The following PKHD1L1 variants were observed in gnomAD, a reference collection of about 807,000 sequenced individuals.
The protein encoded by PKHD1L1 is fibrocystin-L.
A neutral mutation model predicts 462.9 loss-of-function variants in PKHD1L1; 434 were observed. The ratio of observed to expected loss-of-function variants is 0.94; its 90% CI spans 0.87 to 1.02. PKHD1L1 has a LOEUF of 1.02. Ranked by LOEUF, PKHD1L1 falls within the 50% of genes least tolerant of loss-of-function variation. PKHD1L1 has a pLI of 0.00. For missense variants in PKHD1L1, 5,202 were observed against 5,096.1 expected, an observed-to-expected ratio of 1.02 and a Z score of -0.63; for synonymous variants, 1,781 against 1,750.0, an observed-to-expected ratio of 1.02 and a Z score of -0.44.
In PKHD1L1 at chr8:109,364,646, CTTTTTTTT is replaced by C; in HGVS notation, c.163+21_163+28del. On this transcript the variant is annotated intron_variant, in intron 2 of 77. Transcript: ENST00000378402. ...ACTATAAGAGGGGAAGGTATCGTTGCTTTTTTTTTTTTTTTTTTGCCAAGGTTGAGGTA... is the reference window on the plus strand; with the variant it reads ...ACTATAAGAGGGGAAGGTATCGTTGCTTTTTTTTTTGCCAAGGTTGAGGTA... The C allele has an allele frequency of 2.8e-5, 29 of 1,029,342 alleles. No individual in the cohort carries two copies. The highest frequency in any genetic ancestry group is 2.5e-4 in the African/African-American group (12 of 48,116). 63.8% of individuals were successfully genotyped at this position (1,029,342 alleles called of 1,614,324 possible). A position where few individuals can be genotyped will look rare whatever the true frequency, so the allele number is the denominator to read the frequency against.
rs1256707865 is a variant in PKHD1L1, at chr8:109,443,118, T to TTA, written c.4564+2_4564+3insTA. Reference sequence around the variant, plus strand: ...GCTCTGAAGCCACATATGCTTATGGTAAGATGGTTAAAGATGGAAACTCTG... The same window carrying TTA: ...GCTCTGAAGCCACATATGCTTATGGTTAAAGATGGTTAAAGATGGAAACTCTG... On this transcript the variant is annotated splice_region_variant and intron_variant, in intron 36 of 77. Coordinates refer to ENST00000378402, the MANE Select transcript of PKHD1L1 (RefSeq NM_177531.6). 1 of 1,612,612 alleles carries TTA rather than the reference T, an allele frequency of 6.2e-7. No individual in the cohort carries two copies. Among genetic ancestry groups the TTA allele is most frequent in the Non-Finnish European group, 8.5e-7 (1 of 1,178,990 alleles).
intron 76 of PKHD1L1, among the ~76,000 whole-genome samples, chr8:109,524,688 G>GT (rs1046310147): frequency 2.6e-5 from 4 of 152,062 alleles, no homozygotes; most frequent in African/African-American, 7.2e-5. Flanking sequence ...CATACGTTAA[G>GT]TTTTTTTTCA....
chr8:109,520,451 C>T lies in PKHD1L1; in HGVS notation c.12032-1735C>T, dbSNP rs547612956. Among the ~76,000 whole-genome samples, 6 of 152,156 alleles carry T rather than the reference C, an allele frequency of 3.9e-5. No individual in the cohort carries two copies. The East Asian group carries it at 1.2e-3, about 29-fold the overall frequency. On this transcript the variant is annotated intron_variant, in intron 73 of 77. Transcript: ENST00000378402. ...GACATATATTTCCCCACATACAATCCCTCCTACATCCATCCCCTTAAAGCA... is the reference window on the plus strand; with the variant it reads ...GACATATATTTCCCCACATACAATCTCTCCTACATCCATCCCCTTAAAGCA...
chr8:109,381,709 A>G (rs78676148), intron 3 of PKHD1L1, among the ~76,000 whole-genome samples, 195 bp downstream of exon 3: 3,637 of 152,224 alleles, frequency 0.024, 136 homozygotes, highest in African/African-American at 0.083. Flanking sequence ...TTGGCATGAT[A>G]ACAACATATT....
chr8:109,473,558 A>G (rs1817835070), intron 50 of PKHD1L1, among the ~76,000 whole-genome samples: 1 of 152,010 alleles, frequency 6.6e-6, no homozygotes, highest in Non-Finnish European at 1.5e-5. Flanking sequence ...AAAGAACTCA[A>G]TTCAGTGGAA....
chr8:109,479,704 A>G, intron 54 of PKHD1L1, 65 bp downstream of exon 54: 2 of 1,136,450 alleles, frequency 1.8e-6, no homozygotes, highest in Admixed American at 2.3e-5. Context: ...ATGGCAGGGT[A>G]GATGTCACAG....
chr8:109,368,768 C>A (rs1811349492), intron 2 of PKHD1L1, among the ~76,000 whole-genome samples: 1 of 152,136 alleles, frequency 6.6e-6, no homozygotes, highest in Admixed American at 6.6e-5. Context: ...TTTTGGATTG[C>A]TGCTATCAGG....
chr8:109,442,844 T>G, intron 35 of PKHD1L1, 102 bp from the exon 36 acceptor site: 1 of 1,076,364 alleles, frequency 9.3e-7, no homozygotes, highest in Non-Finnish European at 1.4e-6. Flanking sequence ...GAAACTGTCA[T>G]CTGTATGTGC....
intron 20 of PKHD1L1, 78 bp from the exon 21 acceptor site, chr8:109,413,343 C>A (rs1813958760): frequency 3.0e-6 from 3 of 1,006,308 alleles, no homozygotes; most frequent in African/African-American, 1.7e-5. Flanking sequence ...TATTTATTGA[C>A]TTTGAATTTA....
In PKHD1L1 at chr8:109,536,765, C is replaced by A. The variant is rs1009168006; in HGVS notation, c.*6675C>A. On this transcript the variant is annotated 3_prime_UTR_variant, in exon 78 of 78. Transcript: ENST00000378402. Reference sequence around the variant, plus strand: ...TCTAAATTGTTACTAAATTTTGAATCTTCCTGTATTTAGCAATAAAAGTTA... The same window carrying A: ...TCTAAATTGTTACTAAATTTTGAATATTCCTGTATTTAGCAATAAAAGTTA... Among the ~76,000 whole-genome samples, 1 of 152,148 alleles carries A rather than the reference C, an allele frequency of 6.6e-6. No individual in the cohort carries two copies. Among genetic ancestry groups the A allele is most frequent in the Non-Finnish European group, 1.5e-5 (1 of 68,012 alleles).
At chr8:109,528,716 T>C (rs1820936957) in intron 77 of PKHD1L1, among the ~76,000 whole-genome samples, 1 of 152,222 alleles carries the variant, frequency 6.6e-6, no homozygotes, top group South Asian at 2.1e-4. Flanking sequence ...CTTTCTGTAA[T>C]ATACTTGTAT....
At chr8:109,466,475 G>C in intron 49 of PKHD1L1, 103 bp from the exon 50 acceptor site, 1 of 1,164,228 alleles carries the variant, frequency 8.6e-7, no homozygotes, top group Non-Finnish European at 1.2e-6. Flanking sequence ...CAGACTTTTA[G>C]ACTGTATTAG....
chr8:109,460,712 A>G (rs760101000), intron 47 of PKHD1L1, among the ~76,000 whole-genome samples: 123 of 152,298 alleles, frequency 8.1e-4, no homozygotes, highest in Non-Finnish European at 1.6e-3. Flanking sequence ...GTTATGCTCT[A>G]TTTACAAACA....
At position 109,454,784 on chromosome 8, in the gene PKHD1L1, G is replaced by A. The variant is rs762177904; in HGVS notation, c.6806G>A (p.Arg2269Gln). The A allele has an allele frequency of 1.4e-5, 22 of 1,613,630 alleles. No homozygotes were observed. The highest frequency in any genetic ancestry group is 1.8e-5 in the Non-Finnish European group (21 of 1,179,812). ...GTCATTACCTTGCATGGTCACCTGC[G>A]ATCTCCTGAGCTCCCTGTCTATGGT... ...KAVITLHGHL[R>Q]SPELPVYGAK... is the part of the protein sequence containing the mutation. Residue 2269 changes from arginine to glutamine, a missense_variant, in exon 45 of 78, where the codon CGA becomes CAA. Transcript: ENST00000378402.
chr8:109,408,608 A>G (rs1813684380), intron 18 of PKHD1L1, among the ~76,000 whole-genome samples: 2 of 152,192 alleles, frequency 1.3e-5, no homozygotes, highest in Admixed American at 1.3e-4. Flanking sequence ...TAAATATCCT[A>G]TTATTTTATT....
In PKHD1L1 at chr8:109,401,500, A is replaced by G; in HGVS notation, c.1285A>G (p.Arg429Gly). ...GTCTCTGTCTCTCTCGGATTAGGTG[A>G]GGATTGCATATCATTCTGCTAATGC... ...SQTGLPEDKV[R>G]IAYHSANANS... The change falls in exon 14 of 78, where the codon AGG becomes GGG. Residue 429 changes from arginine (R) to glycine (G), a missense_variant. Transcript: ENST00000378402. 6.5e-7 allele frequency: 1 copy of G among 1,546,202 alleles called. No homozygotes were observed.
At chr8:109,470,917 G>A in intron 50 of PKHD1L1, 1 of 1,592,650 alleles carries the variant, frequency 6.3e-7, no homozygotes, top group Non-Finnish European at 8.6e-7. Context: ...CCTGGGGAGA[G>A]AGAAATGAGG....
intron 71 of PKHD1L1, 44 bp downstream of exon 71, chr8:109,510,978 A>G (rs72669109): frequency 1.9e-6 from 3 of 1,587,472 alleles, no homozygotes; most frequent in South Asian, 2.3e-5. Context: ...GATTATTTGC[A>G]TGTTATTTCT....
intron 73 of PKHD1L1, among the ~76,000 whole-genome samples, chr8:109,519,677 C>T (rs1820449681): frequency 6.6e-6 from 1 of 152,088 alleles, no homozygotes. Context: ...CACTTCAAGC[C>T]CCCTCACTGA....
Sources: gnomAD v4.1 joint callset for allele counts (sites outside exome capture counted in the v4.1 genomes callset) on GRCh38, gnomAD v4.1.1 for gene constraint, MANE v1.5 for transcripts, NCBI Gene and HGNC (gene_info 2026-07-23, HGNC 2026-07-21) for gene names.